SMYD3: variants seen among roughly 807,000 people sequenced by gnomAD.
SMYD3 encodes the protein histone-lysine N-methyltransferase SMYD3.
In SMYD3, 36 loss-of-function variants were observed where a neutral mutation model predicts 57.7. The ratio of observed to expected loss-of-function variants is 0.62; its 90% CI spans 0.48 to 0.82. SMYD3 has a LOEUF of 0.82. Among genes scored for constraint, SMYD3 ranks in the 40% least tolerant of loss-of-function variants. The pLI, the probability that SMYD3 is intolerant of heterozygous loss-of-function variation, is 0.00. For missense variants in SMYD3, 515 were observed against 538.8 expected (o/e 0.96, Z 0.44); for synonymous variants, 211 against 195.0 (o/e 1.08, Z -0.68).
At chr1:246,283,524 G>A (rs541947240) in intron 5 of SMYD3, among the ~76,000 whole-genome samples, 16 of 152,246 alleles carry the variant, frequency 1.1e-4, no homozygotes, top group African/African-American at 3.6e-4. Flanking sequence ...CAGAGCCATG[G>A]AAAAGCTTCC....
chr1:246,154,986 T>G (rs1324433758), intron 5 of SMYD3, among the ~76,000 whole-genome samples: 2 of 152,116 alleles, frequency 1.3e-5, no homozygotes, highest in Admixed American at 6.6e-5. Flanking sequence ...TTTCACCGTG[T>G]TAGCCAGGAT....
intron 5 of SMYD3, among the ~76,000 whole-genome samples, chr1:246,036,753 A>G (rs2059783043): frequency 7.8e-6 from 1 of 128,152 alleles, no homozygotes; most frequent in Non-Finnish European, 1.6e-5. Flanking sequence ...TTTAGTAGAG[A>G]TGGGGTTTCA....
intron 8 of SMYD3, among the ~76,000 whole-genome samples, chr1:245,886,079 A>G (rs1357590489): frequency 1.3e-5 from 2 of 152,238 alleles, no homozygotes; most frequent in Non-Finnish European, 2.9e-5. Flanking sequence ...ATAAGAAGGT[A>G]TTGAAAAAAT....
intron 5 of SMYD3, among the ~76,000 whole-genome samples, chr1:246,128,970 AT>A (rs137905417): frequency 1.3e-5 from 2 of 151,840 alleles, no homozygotes; most frequent in East Asian, 3.9e-4. Context: ...CACCCTGCTA[AT>A]TTTTTTGTAT....
rs182626639 is a variant in SMYD3 at position 246,243,790 on chromosome 1, G to T, written c.531+83411C>A. ...AATCTTACTTTGAAAGTTTGGTGTA[G>T]AAAGAATTCTTACTTGATGGACTAA... On this transcript the variant is annotated intron_variant, in intron 5 of 11. Transcript: ENST00000490107. 6.3e-3 allele frequency among the ~76,000 whole-genome samples: 964 copies of T among 151,950 alleles called. 9 individuals carry two copies. Among genetic ancestry groups the T allele is most frequent in the Non-Finnish European group, 7.6e-3 (518 of 67,932 alleles).
At chr1:246,237,197 C>T (rs2148465705) in intron 5 of SMYD3, among the ~76,000 whole-genome samples, 1 of 152,218 alleles carries the variant, frequency 6.6e-6, no homozygotes, top group South Asian at 2.1e-4. Context: ...CCCTCATACT[C>T]CCCGATATAA....
chr1:245,846,705 C>T (rs1046248954), intron 10 of SMYD3, among the ~76,000 whole-genome samples: 2 of 152,196 alleles, frequency 1.3e-5, no homozygotes, highest in Non-Finnish European at 2.9e-5. Flanking sequence ...TAATAAATAA[C>T]AGCAATTACT....
At chr1:246,491,051 C>G (rs950399956) in intron 1 of SMYD3, among the ~76,000 whole-genome samples, 1 of 152,170 alleles carries the variant, frequency 6.6e-6, no homozygotes, top group African/African-American at 2.4e-5. Context: ...AAGTTCAGAG[C>G]TGTTAAGTAG....
chr1:246,443,177 A>G (rs2067497334), intron 1 of SMYD3, among the ~76,000 whole-genome samples: 1 of 152,150 alleles, frequency 6.6e-6, no homozygotes, highest in African/African-American at 2.4e-5. Context: ...ACCTCCTCTT[A>G]CCAATCAGTA....
intron 10 of SMYD3, among the ~76,000 whole-genome samples, chr1:245,774,664 C>G (rs3000197): frequency 0.22 from 27,951 of 129,966 alleles, 3,870 homozygotes; most frequent in East Asian, 0.39. Flanking sequence ...CTCTTTCCAC[C>G]GTCTCCCTCT....
chr1:246,303,702 C>T (rs2064933618), intron 5 of SMYD3, among the ~76,000 whole-genome samples: 1 of 152,102 alleles, frequency 6.6e-6, no homozygotes, highest in African/African-American at 2.4e-5. Context: ...GTACTTAGAA[C>T]ACAGCTTGAC....
Position 246,137,710 on chromosome 1 carries a change from C to A in SMYD3, c.531+189491G>T, listed in dbSNP as rs529645327. On this transcript the variant is annotated intron_variant, in intron 5 of 11. Coordinates refer to ENST00000490107, the MANE Select transcript of SMYD3 (RefSeq NM_001167740.2). ...ATGATCGATTTTTCCCTCCACCCTA[C>A]AGAGTGAAACAAGTTCTGAGAACGC... Among the ~76,000 whole-genome samples, 81 of 152,322 alleles carry A rather than the reference C, an allele frequency of 5.3e-4. 1 individual carries two copies. The South Asian group carries it at 0.016, about 31-fold the overall frequency.
intron 10 of SMYD3, among the ~76,000 whole-genome samples, chr1:245,786,003 C>T (rs1368900354): frequency 6.6e-6 from 1 of 151,482 alleles, no homozygotes. Flanking sequence ...TGGTGCCCAG[C>T]CAGAATTTTC....
intron 1 of SMYD3, among the ~76,000 whole-genome samples, chr1:246,387,590 G>C (rs1572449564): frequency 6.6e-6 from 1 of 152,166 alleles, no homozygotes; most frequent in Non-Finnish European, 1.5e-5. Flanking sequence ...ACAATAGAAA[G>C]CACAGGATAT....
chr1:246,288,059 A>ATTTTTTTTTTT (rs1258559424), intron 5 of SMYD3, among the ~76,000 whole-genome samples: 1 of 98,578 alleles, frequency 1.0e-5, no homozygotes, highest in African/African-American at 3.8e-5. Context: ...CCATCAGGTA[A>ATTTTTTTTTTT]TTCTTTTTTT....
chr1:246,065,593 C>T (rs568855094), intron 5 of SMYD3, among the ~76,000 whole-genome samples: 95 of 152,308 alleles, frequency 6.2e-4, no homozygotes, highest in Middle Eastern at 6.8e-3. Flanking sequence ...CAATCCTCTT[C>T]GTTTGTTTCA....
intron 5 of SMYD3, among the ~76,000 whole-genome samples, chr1:246,287,195 C>G (rs1380120794): frequency 6.6e-6 from 1 of 152,102 alleles, no homozygotes; most frequent in African/African-American, 2.4e-5. Flanking sequence ...TAAAAAACAA[C>G]AATCATTTTA....
intron 1 of SMYD3, among the ~76,000 whole-genome samples, chr1:246,399,569 C>CGAA (rs1351934737): frequency 6.6e-6 from 1 of 152,124 alleles, no homozygotes; most frequent in Non-Finnish European, 1.5e-5. Flanking sequence ...GTCTCGAACT[C>CGAA]CTGGGCTCAA....
chr1:246,443,950 T>TA (rs2067509476), intron 1 of SMYD3, among the ~76,000 whole-genome samples: 1 of 152,038 alleles, frequency 6.6e-6, no homozygotes, highest in Non-Finnish European at 1.5e-5. Context: ...GCCTTCCCTA[T>TA]AAACCCTCCC....
Sources: gnomAD v4.1 joint callset for allele counts (sites outside exome capture counted in the v4.1 genomes callset) on GRCh38, gnomAD v4.1.1 for gene constraint, MANE v1.5 for transcripts, NCBI Gene and HGNC (gene_info 2026-07-23, HGNC 2026-07-21) for gene names.